TSPAN12: variants seen among roughly 807,000 people sequenced by gnomAD.
The protein encoded by TSPAN12 is tetraspanin-12.
In TSPAN12, 19 loss-of-function variants were observed where a neutral mutation model predicts 39.2. That is an observed-to-expected ratio of 0.49 (90% CI 0.34 to 0.71). The LOEUF (loss-of-function observed/expected upper bound fraction) is 0.71. Ranked by LOEUF, TSPAN12 falls within the 30% of genes least tolerant of loss-of-function variation. TSPAN12 has a pLI of 0.01. For missense variants in TSPAN12, 314 were observed against 359.9 expected (o/e 0.87, Z 1.03); for synonymous variants, 119 against 124.8 (o/e 0.95, Z 0.31).
chr7:120,845,663 T>C (rs1276813075), intron 2 of TSPAN12, among the ~76,000 whole-genome samples: 2 of 152,180 alleles, frequency 1.3e-5, no homozygotes, highest in Non-Finnish European at 2.9e-5. Context: ...AGAGTGACCT[T>C]TATTCCAGTT....
At chr7:120,792,711 C>G (rs542269415) in intron 7 of TSPAN12, among the ~76,000 whole-genome samples, 1 of 152,294 alleles carries the variant, frequency 6.6e-6, no homozygotes, top group African/African-American at 2.4e-5. Flanking sequence ...ACAAAGAATA[C>G]AGCCTTTACA....
At chr7:120,791,417 G>A (rs893066387) in intron 7 of TSPAN12, among the ~76,000 whole-genome samples, 3 of 152,042 alleles carry the variant, frequency 2.0e-5, no homozygotes, top group African/African-American at 7.2e-5. Context: ...AATACAACGT[G>A]GTGACTATAG....
chr7:120,788,798 T>C lies in TSPAN12; in HGVS notation c.712A>G (p.Met238Val), dbSNP rs145540451. The C allele has an allele frequency of 1.9e-6, 3 of 1,614,048 alleles. No individual in the cohort carries two copies. Among genetic ancestry groups the C allele is most frequent in the African/African-American group, 1.3e-5 (1 of 74,926 alleles). Residue 238 changes from methionine (M) to valine (V), a missense_variant, in exon 8 of 8, where the codon ATG (methionine) becomes GTG (valine). Physicochemically the swap from Met to Val is conservative, Grantham distance 21. Transcript: ENST00000222747. Reference sequence around the variant, plus strand: ...CAGAGCAGAGTAATGGTGAGAATCATGGCCAGGATTTGTGTCACCCCAATG... The same window carrying C: ...CAGAGCAGAGTAATGGTGAGAATCACGGCCAGGATTTGTGTCACCCCAATG... ...ISIGVTQILA[M>V]ILTITLLWAL...
chr7:120,799,795 T>C (rs1414926844), intron 7 of TSPAN12, among the ~76,000 whole-genome samples: 9 of 136,228 alleles, frequency 6.6e-5, no homozygotes, highest in Admixed American at 4.0e-4. Flanking sequence ...ATAATAAATA[T>C]ATTAAATATT....
chr7:120,837,504 G>A (rs1417313116), intron 4 of TSPAN12, among the ~76,000 whole-genome samples: 1 of 151,974 alleles, frequency 6.6e-6, no homozygotes, highest in Non-Finnish European at 1.5e-5. Flanking sequence ...AGTAGAGACA[G>A]GGTTTCACCG....
At chr7:120,853,761 C>A (rs1794815214) in intron 2 of TSPAN12, among the ~76,000 whole-genome samples, 1 of 150,334 alleles carries the variant, frequency 6.7e-6, no homozygotes, top group Non-Finnish European at 1.5e-5. Context: ...GTAGTCCCAG[C>A]TACTCAGGAG....
intron 4 of TSPAN12, among the ~76,000 whole-genome samples, chr7:120,816,365 C>A (rs75749109): frequency 1.2e-4 from 18 of 148,390 alleles, no homozygotes; most frequent in South Asian, 6.4e-4. Flanking sequence ...CATGCGCAGG[C>A]AAAAAAAAAC....
At chr7:120,823,586 G>A (rs932374127) in intron 4 of TSPAN12, among the ~76,000 whole-genome samples, 1 of 152,116 alleles carries the variant, frequency 6.6e-6, no homozygotes, top group Non-Finnish European at 1.5e-5. Flanking sequence ...TAGGAAGTAT[G>A]GTGGGTGAGG....
chr7:120,832,554 A>C (rs1303498518), intron 4 of TSPAN12, among the ~76,000 whole-genome samples: 1 of 152,134 alleles, frequency 6.6e-6, no homozygotes, highest in Non-Finnish European at 1.5e-5. Context: ...GTTCAAATAA[A>C]GACTCCCCTG....
At chr7:120,835,085 AT>A (rs1335070976) in intron 4 of TSPAN12, among the ~76,000 whole-genome samples, 3 of 152,236 alleles carry the variant, frequency 2.0e-5, no homozygotes, top group African/African-American at 7.2e-5. Context: ...ATAAACACTT[AT>A]TAAAGCAATG....
At chr7:120,846,113 G>C (rs1295279559) in intron 2 of TSPAN12, among the ~76,000 whole-genome samples, 3 of 152,118 alleles carry the variant, frequency 2.0e-5, no homozygotes, top group African/African-American at 7.2e-5. Context: ...GAGAGAGAAG[G>C]GGGAGGTGCT....
chr7:120,856,229 T>C (rs1354875784), intron 2 of TSPAN12, among the ~76,000 whole-genome samples: 1 of 152,110 alleles, frequency 6.6e-6, no homozygotes, highest in Non-Finnish European at 1.5e-5. Context: ...CTGTGATAGG[T>C]TATCTGGGTG....
intron 4 of TSPAN12, 86 bp downstream of exon 4, chr7:120,838,691 C>T: frequency 7.1e-7 from 1 of 1,406,102 alleles, no homozygotes; most frequent in Non-Finnish European, 9.9e-7. Flanking sequence ...GCTATCACTG[C>T]TCCCTAATCT....
At chr7:120,810,640 AC>A in intron 5 of TSPAN12, 70 bp from the exon 6 acceptor site, 1 of 796,800 alleles carries the variant, frequency 1.3e-6, no homozygotes, top group South Asian at 1.4e-5. Flanking sequence ...ACACACACAC[AC>A]ACACACACAC....
chr7:120,805,279 T>C (rs1293035242), intron 7 of TSPAN12, among the ~76,000 whole-genome samples: 2 of 152,092 alleles, frequency 1.3e-5, no homozygotes, highest in Admixed American at 1.3e-4. Context: ...TAGTACAGCA[T>C]TCTTTTAATT....
intron 2 of TSPAN12, among the ~76,000 whole-genome samples, chr7:120,845,743 C>G (rs1475232939): frequency 6.6e-6 from 1 of 152,208 alleles, no homozygotes; most frequent in East Asian, 1.9e-4. Context: ...TTACTATCAG[C>G]ATTTTTATCA....
chr7:120,796,184 G>A (rs183061501), intron 7 of TSPAN12, among the ~76,000 whole-genome samples: 25 of 152,272 alleles, frequency 1.6e-4, no homozygotes, highest in African/African-American at 5.8e-4. Context: ...AACCCCTCCT[G>A]CAAATATTTT....
chr7:120,817,085 T>C (rs915111144), intron 4 of TSPAN12, among the ~76,000 whole-genome samples: 1 of 152,140 alleles, frequency 6.6e-6, no homozygotes, highest in Admixed American at 6.6e-5. Context: ...ATCAGAAATG[T>C]AGATTTGGCT....
intron 7 of TSPAN12, among the ~76,000 whole-genome samples, chr7:120,794,548 G>A (rs1793594812): frequency 6.6e-6 from 1 of 152,190 alleles, no homozygotes; most frequent in African/African-American, 2.4e-5. Flanking sequence ...TTTGCCATGT[G>A]TCAAAGCTCC....
Sources: gnomAD v4.1 joint callset for allele counts (sites outside exome capture counted in the v4.1 genomes callset) on GRCh38, gnomAD v4.1.1 for gene constraint, MANE v1.5 for transcripts, NCBI Gene and HGNC (gene_info 2026-07-23, HGNC 2026-07-21) for gene names.